Variants in NCOA3 observed in about 807,000 individuals in gnomAD.
NCOA3 encodes the protein nuclear receptor coactivator 3.
NCOA3 carries 51 observed loss-of-function variants against 158.8 expected under a neutral mutation model. The ratio of observed to expected loss-of-function variants is 0.32; its 90% CI spans 0.26 to 0.41. The LOEUF (loss-of-function observed/expected upper bound fraction) is 0.41. Ranked by LOEUF, NCOA3 falls within the 10% of genes least tolerant of loss-of-function variation. NCOA3 has a pLI of 1.00. For missense variants in NCOA3, 1,510 were observed against 1,746.6 expected (o/e 0.86, Z 2.41); for synonymous variants, 537 against 592.4 (o/e 0.91, Z 1.36).
At chr20:47,505,800 CTTTT>C (rs11434305) in intron 1 of NCOA3, among the ~76,000 whole-genome samples, 3 of 119,128 alleles carry the variant, frequency 2.5e-5, no homozygotes, top group Non-Finnish European at 5.0e-5. Context: ...GCATTTTCTC[CTTTT>C]TTTTTTTTTT....
rs1427609347 is a variant in NCOA3 at position 47,502,028 on chromosome 20, A to T, written c.-99+9A>T. On this transcript the variant is annotated intron_variant, in intron 1 of 22. Coordinates refer to ENST00000371998, the MANE Select transcript of NCOA3 (RefSeq NM_181659.3). ...GAAAATGGCGGCGGGAGGTGAGTGG[A>T]GATAAAGGAGGAGGCGGTGGCGGGC... 11 of 398,688 alleles carry T rather than the reference A, an allele frequency of 2.8e-5. No individual in the cohort carries two copies. Among genetic ancestry groups the T allele is most frequent in the Admixed American group, 8.8e-5 (2 of 22,670 alleles). 24.7% of individuals were successfully genotyped at this position (398,688 alleles called of 1,614,324 possible).
chr20:47,556,070 G>A (rs1268002755), intron 1 of NCOA3, among the ~76,000 whole-genome samples: 4 of 151,698 alleles, frequency 2.6e-5, no homozygotes, highest in African/African-American at 9.7e-5. Flanking sequence ...GGGTAGCTGG[G>A]ACTACAGGCA....
At chr20:47,594,114 C>A (rs901902979) in intron 2 of NCOA3, among the ~76,000 whole-genome samples, 16 of 152,010 alleles carry the variant, frequency 1.1e-4, no homozygotes, top group African/African-American at 3.9e-4. Context: ...GTTGATTTTG[C>A]CTTGGATATA....
At chr20:47,535,677 T>G (rs1432650799) in intron 1 of NCOA3, among the ~76,000 whole-genome samples, 1 of 151,920 alleles carries the variant, frequency 6.6e-6, no homozygotes, top group African/African-American at 2.4e-5. Flanking sequence ...CTGGCTAATT[T>G]TTGTATTTTT....
chr20:47,547,475 C>T (rs1023151140), intron 1 of NCOA3, among the ~76,000 whole-genome samples: 23 of 151,384 alleles, frequency 1.5e-4, no homozygotes, highest in African/African-American at 5.3e-4. Context: ...TGCAGTGGTG[C>T]GATCTCGGCT....
chr20:47,627,694 A>G lies in NCOA3; in HGVS notation c.666A>G (p.Glu222=). 1 of 1,614,206 alleles carries G rather than the reference A, an allele frequency of 6.2e-7. No homozygotes were observed. Among genetic ancestry groups the G allele is most frequent in the Non-Finnish European group, 8.5e-7 (1 of 1,180,040 alleles). The stretch of plus-strand genomic sequence containing the variant: ...GTCCTGAAATGCGCCAGAGATATGA[A>G]ACAATGCAGTGCTTTGCCCTGTCTC... ...NASPEMRQRY[E]TMQCFALSQP... The change falls in exon 7 of 23, where the codon GAA becomes GAG. Residue 222 remains glutamate (E), a synonymous_variant. Coordinates refer to ENST00000371998, the MANE Select transcript of NCOA3 (RefSeq NM_181659.3).
intron 2 of NCOA3, among the ~76,000 whole-genome samples, chr20:47,588,996 C>T (rs1602446483): frequency 1.3e-5 from 2 of 152,114 alleles, no homozygotes; most frequent in African/African-American, 4.8e-5. Context: ...TCAAGAGATT[C>T]TCCTGCCTCA....
At position 47,530,122 on chromosome 20, in the gene NCOA3, G is replaced by T. The variant is rs540191834; in HGVS notation, c.-99+28103G>T. On this transcript the variant is annotated intron_variant, in intron 1 of 22. Coordinates refer to ENST00000371998, the MANE Select transcript of NCOA3 (RefSeq NM_181659.3). Reference sequence around the variant, plus strand: ...CAGTGCATATATTTTCACATCTAAGGTATTGTATGTTTGTTTCATCTCTGC... The same window carrying T: ...CAGTGCATATATTTTCACATCTAAGTTATTGTATGTTTGTTTCATCTCTGC... Among the ~76,000 whole-genome samples the T allele has an allele frequency of 3.9e-5, 6 of 152,258 alleles. No homozygotes were observed. The South Asian group carries it at 1.2e-3, about 32-fold the overall frequency.
chr20:47,618,072 A>G (rs1178047128), intron 2 of NCOA3, among the ~76,000 whole-genome samples: 2 of 152,050 alleles, frequency 1.3e-5, no homozygotes, highest in Non-Finnish European at 2.9e-5. Flanking sequence ...CCCTGTCTCT[A>G]TTGAAAATAC....
At chr20:47,630,349 A>G (rs1368615227) in intron 8 of NCOA3, 7 of 152,108 alleles carry the variant, frequency 4.6e-5, no homozygotes, top group Non-Finnish European at 1.0e-4. Context: ...GCTTTTGCAG[A>G]ATTACCTTTC....
chr20:47,588,004 C>T (rs1336304634), intron 2 of NCOA3, among the ~76,000 whole-genome samples: 3 of 151,896 alleles, frequency 2.0e-5, no homozygotes, highest in African/African-American at 7.3e-5. Context: ...CTGCAATAAA[C>T]AAACTGAAAA....
Position 47,636,254 on chromosome 20 carries a change from A to T in NCOA3, c.1868A>T (p.Gln623Leu), listed in dbSNP as rs759000770. 7.4e-6 allele frequency: 12 copies of T among 1,614,062 alleles called. No homozygotes were observed. In the Admixed American group the frequency reaches 2.0e-4, roughly 27 times the overall value. The change falls in exon 12 of 23, where the codon CAG (glutamine) becomes CTG (leucine). Residue 623 changes from glutamine to leucine, a missense_variant. Coordinates refer to ENST00000371998, the MANE Select transcript of NCOA3 (RefSeq NM_181659.3). Reference sequence around the variant, plus strand: ...AGCAAAGGTCATAAAAAATTACTGCAGTTACTTACCTGTTCTTCTGATGAC... The same window carrying T: ...AGCAAAGGTCATAAAAAATTACTGCTGTTACTTACCTGTTCTTCTGATGAC... ...LESKGHKKLL[Q>L]LLTCSSDDRG... is the part of the protein sequence containing the mutation.
At chr20:47,605,064 C>T (rs914465188) in intron 2 of NCOA3, among the ~76,000 whole-genome samples, 10 of 152,172 alleles carry the variant, frequency 6.6e-5, no homozygotes, top group Non-Finnish European at 1.5e-4. Flanking sequence ...GACAGTGTTT[C>T]ACCATGTTGG....
intron 1 of NCOA3, among the ~76,000 whole-genome samples, chr20:47,581,734 C>T (rs2085456090): frequency 1.3e-5 from 2 of 152,144 alleles, no homozygotes; most frequent in South Asian, 4.1e-4. Flanking sequence ...CTTACTGGTT[C>T]ACTTATTTAT....
rs776910504 is a variant in NCOA3 at position 47,651,046 on chromosome 20, G to A, written c.3716G>A (p.Arg1239Gln). The stretch of plus-strand genomic sequence containing the variant: ...AGAGAGCTGCTAAGTCATCACTTCC[G>A]ACAACAGAGGGTGGCTATGATGATG... Reference protein sequence around the residue: ...RSRELLSHHFRQQRVAMMMQQ... With the variant: ...RSRELLSHHFQQQRVAMMMQQ... The change falls in exon 20 of 23, where the codon CGA becomes CAA. Residue 1239 changes from arginine to glutamine, a missense_variant. By Grantham distance (43) the Arg-to-Gln change is conservative. Transcript: ENST00000371998. The A allele has an allele frequency of 9.9e-6, 16 of 1,613,790 alleles. No individual in the cohort carries two copies. Among genetic ancestry groups the A allele is most frequent in the Middle Eastern group, 1.6e-4 (1 of 6,082 alleles).
intron 2 of NCOA3, among the ~76,000 whole-genome samples, chr20:47,612,535 T>TTA (rs2086061938): frequency 6.6e-6 from 1 of 152,160 alleles, no homozygotes; most frequent in Admixed American, 6.5e-5. Context: ...TGACTTAAGG[T>TTA]TAAAAATAAA....
At position 47,608,631 on chromosome 20, in the gene NCOA3, C is replaced by T. The variant is rs190240012; in HGVS notation, c.-19-13598C>T. On this transcript the variant is annotated intron_variant, in intron 2 of 22. Transcript: ENST00000371998. ...TCCAGCCTGGGTGACAGAGCTGAGA[C>T]CCTGTCTCCAAAAAAAAAAAAAAAA... Among the ~76,000 whole-genome samples, 68 of 131,766 alleles carry T rather than the reference C, an allele frequency of 5.2e-4. No homozygotes were observed. In the East Asian group the frequency reaches 0.014, roughly 27 times the overall value. 86.4% of individuals were successfully genotyped at this position (131,766 alleles called of 152,430 possible).
chr20:47,541,318 TC>T, intron 1 of NCOA3, among the ~76,000 whole-genome samples: 1 of 62,846 alleles, frequency 1.6e-5, no homozygotes, highest in African/African-American at 6.5e-5. Flanking sequence ...GTTCTCTCTG[TC>T]CCCCCTCCCC....
chr20:47,546,527 G>GTTTTTTT (rs35925841), intron 1 of NCOA3, among the ~76,000 whole-genome samples: 1 of 120,280 alleles, frequency 8.3e-6, no homozygotes, highest in Non-Finnish European at 1.8e-5. Context: ...ACTTGCCTCT[G>GTTTTTTT]TTTTTTTTTT....
Sources: allele counts gnomAD v4.1 joint callset (sites outside exome capture counted in the v4.1 genomes callset), GRCh38; gene constraint gnomAD v4.1.1; transcripts MANE v1.5; gene names NCBI Gene and HGNC (gene_info 2026-07-23, HGNC 2026-07-21).